Variants in LRMDA observed in about 807,000 individuals in gnomAD.
LRMDA encodes the protein leucine-rich melanocyte differentiation-associated protein.
Under a neutral mutation model 29.8 loss-of-function variants are expected in LRMDA, and 18 were observed. The ratio of observed to expected loss-of-function variants is 0.60; its 90% CI spans 0.42 to 0.90. LRMDA has a LOEUF of 0.90. Ranked by LOEUF, LRMDA falls within the 40% of genes least tolerant of loss-of-function variation. The pLI, the probability that LRMDA is intolerant of heterozygous loss-of-function variation, is 0.00. For synonymous variants in LRMDA, 125 were observed against 109.4 expected (o/e 1.14, Z -0.89); for missense variants, 273 against 273.9 (o/e 1.00, Z 0.02).
chr10:76,486,400 C>T (rs1434086065), intron 6 of LRMDA, among the ~76,000 whole-genome samples: 4 of 151,850 alleles, frequency 2.6e-5, no homozygotes, highest in Non-Finnish European at 4.4e-5. Context: ...ACCTTCACTG[C>T]GGTGGTTTTT....
intron 6 of LRMDA, among the ~76,000 whole-genome samples, chr10:76,555,257 A>G (rs1843541938): frequency 6.6e-6 from 1 of 152,174 alleles, no homozygotes; most frequent in Non-Finnish European, 1.5e-5. Flanking sequence ...ACGATAAAGG[A>G]AACAGCTCAA....
chr10:75,784,819 A>G (rs1390835320), intron 2 of LRMDA, among the ~76,000 whole-genome samples: 1 of 152,210 alleles, frequency 6.6e-6, no homozygotes, highest in Non-Finnish European at 1.5e-5. Flanking sequence ...TACTGGAGTG[A>G]AATACTTGTT....
At chr10:76,372,649 A>AAAATAAAATAAAATAAG in intron 6 of LRMDA, among the ~76,000 whole-genome samples, 1 of 152,026 alleles carries the variant, frequency 6.6e-6, no homozygotes, top group South Asian at 2.1e-4. Flanking sequence ...AATAAAATAA[A>AAAATAAAATAAAATAAG]AAGAAATCCT....
chr10:76,255,773 C>G (rs1474084153), intron 5 of LRMDA, among the ~76,000 whole-genome samples: 4 of 151,936 alleles, frequency 2.6e-5, no homozygotes, highest in Admixed American at 1.3e-4. Flanking sequence ...ATGAAGCTCA[C>G]AAAAGAATTG....
chr10:75,724,412 T>C (rs1444696582), intron 2 of LRMDA, among the ~76,000 whole-genome samples: 1 of 152,256 alleles, frequency 6.6e-6, no homozygotes, highest in Non-Finnish European at 1.5e-5. Flanking sequence ...CTTTACAACA[T>C]AATAAATATC....
chr10:76,184,754 C>G (rs1057376503), intron 5 of LRMDA, among the ~76,000 whole-genome samples: 8 of 152,138 alleles, frequency 5.3e-5, no homozygotes, highest in Admixed American at 2.6e-4. Context: ...CTTTAACATT[C>G]CCGCTGTCTT....
chr10:76,132,133 A>G (rs73285245), intron 5 of LRMDA, among the ~76,000 whole-genome samples: 2,671 of 152,268 alleles, frequency 0.018, 85 homozygotes, highest in African/African-American at 0.06. Context: ...TTGCAAACAT[A>G]AAAACCTCTG....
intron 5 of LRMDA, among the ~76,000 whole-genome samples, chr10:76,264,165 G>A (rs574267492): frequency 5.9e-5 from 9 of 152,104 alleles, no homozygotes; most frequent in Admixed American, 4.6e-4. Flanking sequence ...TTGGGAGGCC[G>A]AGACCGGCAG....
chr10:76,326,863 T>A (rs1589428729), intron 6 of LRMDA, among the ~76,000 whole-genome samples: 2 of 152,314 alleles, frequency 1.3e-5, no homozygotes, highest in Admixed American at 1.3e-4. Flanking sequence ...TTGTAGATAA[T>A]CCATATATCA....
intron 6 of LRMDA, among the ~76,000 whole-genome samples, chr10:76,435,125 C>A (rs188532458): frequency 6.6e-6 from 1 of 152,132 alleles, no homozygotes; most frequent in Non-Finnish European, 1.5e-5. Context: ...CATAGTCCTT[C>A]CCAGTACTTA....
At chr10:76,440,474 G>A (rs1342984921) in intron 6 of LRMDA, among the ~76,000 whole-genome samples, 3 of 151,982 alleles carry the variant, frequency 2.0e-5, no homozygotes, top group East Asian at 1.9e-4. Flanking sequence ...TTTTAGTTTC[G>A]CTGAGTTCAG....
At chr10:75,968,182 G>T (rs1044396017) in intron 2 of LRMDA, among the ~76,000 whole-genome samples, 4 of 152,110 alleles carry the variant, frequency 2.6e-5, no homozygotes, top group African/African-American at 9.7e-5. Flanking sequence ...GGATAGGCCT[G>T]TGAATCATGT....
chr10:75,562,245 A>T (rs1159678025), intron 2 of LRMDA, among the ~76,000 whole-genome samples: 1 of 152,140 alleles, frequency 6.6e-6, no homozygotes, highest in Non-Finnish European at 1.5e-5. Context: ...TTTACGATAG[A>T]TAGCTCTTCT....
intron 6 of LRMDA, among the ~76,000 whole-genome samples, chr10:76,423,354 T>G (rs1340071017): frequency 6.6e-6 from 1 of 152,118 alleles, no homozygotes; most frequent in Non-Finnish European, 1.5e-5. Flanking sequence ...TGATTGTGCC[T>G]CTACACTCCA....
chr10:75,692,725 G>T (rs528120809), intron 2 of LRMDA, among the ~76,000 whole-genome samples: 1 of 152,034 alleles, frequency 6.6e-6, no homozygotes, highest in South Asian at 2.1e-4. Flanking sequence ...AGTCGCCTTT[G>T]TTTCACTGTC....
intron 5 of LRMDA, among the ~76,000 whole-genome samples, chr10:76,157,414 C>G (rs1389726449): frequency 6.6e-6 from 1 of 151,962 alleles, no homozygotes; most frequent in Non-Finnish European, 1.5e-5. Flanking sequence ...GAGTTTCAGA[C>G]CAGCTGAGCA....
chr10:75,501,901 C>T (rs1845118370), intron 2 of LRMDA, among the ~76,000 whole-genome samples: 1 of 152,164 alleles, frequency 6.6e-6, no homozygotes. Context: ...TCAAGTGATC[C>T]TCCCACCTCA....
chr10:76,225,983 T>G (rs890182071), intron 5 of LRMDA, among the ~76,000 whole-genome samples: 5 of 150,496 alleles, frequency 3.3e-5, no homozygotes, highest in South Asian at 4.3e-4. Context: ...GGTGTTTGGT[T>G]TTTTGTCCTT....
chr10:76,169,524 A>C (rs1297279911), intron 5 of LRMDA, among the ~76,000 whole-genome samples: 1 of 151,926 alleles, frequency 6.6e-6, no homozygotes, highest in Non-Finnish European at 1.5e-5. Flanking sequence ...AATCACTGAG[A>C]CCCTACATTA....
Sources: allele counts gnomAD v4.1 joint callset (sites outside exome capture counted in the v4.1 genomes callset), GRCh38; gene constraint gnomAD v4.1.1; transcripts MANE v1.5; gene names NCBI Gene and HGNC (gene_info 2026-07-23, HGNC 2026-07-21).